The following HNMT variants were observed in gnomAD, a reference collection of about 807,000 sequenced individuals.
The protein encoded by HNMT is histamine N-methyltransferase.
A neutral mutation model predicts 32.1 loss-of-function variants in HNMT; 30 were observed. The ratio of observed to expected loss-of-function variants is 0.93; its 90% CI spans 0.70 to 1.27. The LOEUF (loss-of-function observed/expected upper bound fraction) is 1.27, where lower values mean the gene tolerates loss of function less well. HNMT is among the 50% of genes most tolerant of loss of function. HNMT has a pLI of 0.00. For synonymous variants in HNMT, 125 were observed against 119.0 expected, an observed-to-expected ratio of 1.05 and a Z score of -0.33; for missense variants, 327 against 346.0, an observed-to-expected ratio of 0.95 and a Z score of 0.43.
chr2:138,011,105 G>A (rs997602602), intron 5 of HNMT, among the ~76,000 whole-genome samples: 2 of 151,288 alleles, frequency 1.3e-5, no homozygotes, highest in Admixed American at 6.6e-5. Flanking sequence ...TGCATTAGTC[G>A]GGAAGTGCAT....
chr2:138,007,119 TCTC>T (rs1174845679), intron 5 of HNMT, among the ~76,000 whole-genome samples: 24 of 152,118 alleles, frequency 1.6e-4, no homozygotes, highest in African/African-American at 5.8e-4. Flanking sequence ...ATTCTGATGA[TCTC>T]CTTCCTTTAC....
chr2:138,003,314 G>C (rs1393082978), intron 4 of HNMT, among the ~76,000 whole-genome samples: 1 of 152,076 alleles, frequency 6.6e-6, no homozygotes, highest in African/African-American at 2.4e-5. Context: ...TAACATTTCT[G>C]AATAGCATAA....
At chr2:137,984,474 A>G (rs959178252) in intron 2 of HNMT, among the ~76,000 whole-genome samples, 2 of 152,186 alleles carry the variant, frequency 1.3e-5, no homozygotes, top group Admixed American at 6.5e-5. Context: ...AATGAGTTTG[A>G]GCAATGTCAA....
chr2:138,014,093 T>C lies in HNMT; in HGVS notation c.842T>C (p.Phe281Ser). The part of the protein sequence containing the change: ...FSAKKEGKVL[F>S]NNTLSFIVIE... The stretch of plus-strand genomic sequence containing the variant: ...GCTAAGAAAGAGGGGAAGGTTCTTT[T>C]TAATAATACTCTGAGTTTCATAGTG... The change falls in exon 6 of 6, where the codon TTT (phenylalanine) becomes TCT (serine). Residue 281 changes from phenylalanine (F) to serine (S), a missense_variant. Physicochemically the swap from Phe to Ser is radical, Grantham distance 155. Coordinates refer to ENST00000280097, the MANE Select transcript of HNMT (RefSeq NM_006895.3). The C allele has an allele frequency of 6.2e-7, 1 of 1,603,610 alleles. No homozygotes were observed.
chr2:138,005,751 C>T (rs1681312917), intron 5 of HNMT, among the ~76,000 whole-genome samples: 1 of 151,828 alleles, frequency 6.6e-6, no homozygotes, highest in Non-Finnish European at 1.5e-5. Context: ...TTTTATTTTC[C>T]AAGGAGGCAT....
At chr2:138,003,559 T>C (rs1391207153) in intron 4 of HNMT, among the ~76,000 whole-genome samples, 3 of 152,224 alleles carry the variant, frequency 2.0e-5, no homozygotes, top group East Asian at 1.9e-4. Context: ...GTAGTACTTA[T>C]CACTGTCCAG....
intron 2 of HNMT, among the ~76,000 whole-genome samples, chr2:137,991,399 C>A (rs574947022): frequency 1.3e-5 from 2 of 152,352 alleles, no homozygotes; most frequent in South Asian, 4.1e-4. Context: ...TTCTTGATCT[C>A]TCTGTGCAGC....
chr2:138,001,946 A>G, intron 3 of HNMT, 118 bp from the exon 4 acceptor site: 1 of 745,836 alleles, frequency 1.3e-6, no homozygotes, highest in Non-Finnish European at 2.0e-6. Context: ...CATAAGAAAG[A>G]AAAACGTTCT....
At chr2:137,976,093 C>T (rs1389611468) in intron 2 of HNMT, among the ~76,000 whole-genome samples, 2 of 151,856 alleles carry the variant, frequency 1.3e-5, no homozygotes, top group African/African-American at 2.4e-5. Flanking sequence ...ATAGTGAAAC[C>T]CGGCTTTTCT....
chr2:137,986,746 T>TA (rs1197562219), intron 2 of HNMT, among the ~76,000 whole-genome samples: 5 of 152,154 alleles, frequency 3.3e-5, no homozygotes, highest in Non-Finnish European at 5.9e-5. Flanking sequence ...AAATTATAGA[T>TA]AAAAAAAGAG....
chr2:138,009,693 A>G (rs1441792876), intron 5 of HNMT, among the ~76,000 whole-genome samples: 1 of 152,108 alleles, frequency 6.6e-6, no homozygotes, highest in African/African-American at 2.4e-5. Context: ...TATTGATGTC[A>G]GTGAACACAC....
chr2:137,964,707 C>A (rs1679900504), intron 1 of HNMT, 79 bp downstream of exon 1: 2 of 1,461,970 alleles, frequency 1.4e-6, no homozygotes, highest in African/African-American at 1.4e-5. Context: ...CTCGCTCAGC[C>A]TCGCAGGCTG....
At chr2:137,969,257 C>T (rs1680051755) in intron 1 of HNMT, among the ~76,000 whole-genome samples, 1 of 152,082 alleles carries the variant, frequency 6.6e-6, no homozygotes, top group Non-Finnish European at 1.5e-5. Context: ...ATTGCATCAC[C>T]ATCCACTACT....
At chr2:137,981,228 G>GGGGAA in intron 2 of HNMT, 1 of 1,612,970 alleles carries the variant, frequency 6.2e-7, no homozygotes, top group Admixed American at 1.7e-5. Context: ...TGTCTCATTC[G>GGGGAA]GGGAAGCTCC....
intron 5 of HNMT, among the ~76,000 whole-genome samples, chr2:138,011,848 G>C (rs1297451162): frequency 6.6e-6 from 1 of 152,066 alleles, no homozygotes; most frequent in Non-Finnish European, 1.5e-5. Context: ...CCTTGTAGCA[G>C]TCTATAAATG....
chr2:138,012,786 C>A (rs567444615), intron 5 of HNMT, among the ~76,000 whole-genome samples: 1 of 152,176 alleles, frequency 6.6e-6, no homozygotes, highest in Admixed American at 6.5e-5. Flanking sequence ...TTTCTTTTTA[C>A]CCATATCCTA....
intron 5 of HNMT, among the ~76,000 whole-genome samples, chr2:138,009,927 C>G (rs969242697): frequency 6.6e-6 from 1 of 152,080 alleles, no homozygotes; most frequent in African/African-American, 2.4e-5. Context: ...ATTTACTCAA[C>G]AGATTGAAAC....
At chr2:137,969,180 C>A (rs1680048522) in intron 1 of HNMT, among the ~76,000 whole-genome samples, 1 of 152,140 alleles carries the variant, frequency 6.6e-6, no homozygotes, top group South Asian at 2.1e-4. Context: ...CCTCTCTGTG[C>A]TTTATTTCTT....
At chr2:137,975,752 G>T (rs911392290) in intron 2 of HNMT, among the ~76,000 whole-genome samples, 1 of 152,150 alleles carries the variant, frequency 6.6e-6, no homozygotes, top group East Asian at 1.9e-4. Context: ...AGGAAGCAAA[G>T]GTTAATGTTT....
Sources: gnomAD v4.1 joint callset for allele counts (sites outside exome capture counted in the v4.1 genomes callset) on GRCh38, gnomAD v4.1.1 for gene constraint, MANE v1.5 for transcripts, NCBI Gene and HGNC (gene_info 2026-07-23, HGNC 2026-07-21) for gene names.